The following ATG16L1 variants were observed in gnomAD, a reference collection of about 807,000 sequenced individuals.
ATG16L1 encodes the protein autophagy related 16 like 1.
A neutral mutation model predicts 88.5 loss-of-function variants in ATG16L1; 37 were observed. The ratio of observed to expected loss-of-function variants is 0.42; its 90% confidence interval spans 0.32 to 0.55. The LOEUF is 0.55. Ranked by LOEUF, ATG16L1 falls within the 20% of genes least tolerant of loss-of-function variation. ATG16L1 has a pLI of 0.13. For synonymous variants in ATG16L1, 301 were observed against 281.0 expected (o/e 1.07, Z -0.71); for missense variants, 554 against 752.8 (o/e 0.74, Z 3.09).
chr2:233,275,621 T>C, intron 9 of ATG16L1: 1 of 459,040 alleles, frequency 2.2e-6, no homozygotes, highest in Non-Finnish European at 4.4e-6. Flanking sequence ...TTGACTGTTG[T>C]AAAGAGAGTT....
intron 2 of ATG16L1, 89 bp downstream of exon 2, chr2:233,256,284 C>CAAGT: frequency 9.0e-7 from 1 of 1,109,028 alleles, no homozygotes; most frequent in Non-Finnish European, 1.3e-6. Flanking sequence ...AAAAGCAAAT[C>CAAGT]AAGTACTATT....
chr2:233,268,415 T>C (rs1019672210), intron 5 of ATG16L1, among the ~76,000 whole-genome samples: 1 of 152,196 alleles, frequency 6.6e-6, no homozygotes, highest in Non-Finnish European at 1.5e-5. Flanking sequence ...GCCGAGATGA[T>C]GTCACTGCCC....
chr2:233,273,645 T>G, intron 7 of ATG16L1, 76 bp from the exon 8 acceptor site: 1 of 1,407,928 alleles, frequency 7.1e-7, no homozygotes. Flanking sequence ...GTTACCTGTT[T>G]TTGTGGGCTG....
chr2:233,275,616 T>A, intron 9 of ATG16L1: 2 of 450,530 alleles, frequency 4.4e-6, no homozygotes, highest in East Asian at 5.6e-5. Flanking sequence ...CTGCCTTGAC[T>A]GTTGTAAAGA....
At position 233,274,738 on chromosome 2, in the gene ATG16L1, G is replaced by A. The variant is rs1698227642; in HGVS notation, c.914G>A (p.Gly305Asp). 1 of 1,612,662 alleles carries A rather than the reference G, an allele frequency of 6.2e-7. No homozygotes were observed. Among genetic ancestry groups the A allele is most frequent in the African/African-American group, 1.3e-5 (1 of 74,860 alleles). ...AATGTGGATACTCATCCTGGTTCTG[G>A]TAAAGAAGTGAGGGTACCAGCTACT... ...QDNVDTHPGS[G>D]KEVRVPATAL... is the part of the protein sequence containing the mutation. The change falls in exon 9 of 18, where the codon GGT becomes GAT. Residue 305 changes from glycine to aspartate, a missense_variant. Physicochemically the swap from Gly to Asp is moderately conservative, Grantham distance 94. Transcript: ENST00000392017.
At chr2:233,264,806 A>G in intron 4 of ATG16L1, 86 bp from the exon 5 acceptor site, 1 of 1,539,160 alleles carries the variant, frequency 6.5e-7, no homozygotes, top group Admixed American at 1.8e-5. Context: ...AACAGACACA[A>G]AGTGTTAAGC....
chr2:233,278,067 G>A lies in ATG16L1; in HGVS notation c.1060+394G>A, dbSNP rs144521913. Among the ~76,000 whole-genome samples, 1,340 of 152,256 alleles carry A rather than the reference G, an allele frequency of 8.8e-3. 4 individuals are homozygous for A. Among genetic ancestry groups the A allele is most frequent in the Middle Eastern group, 0.014 (4 of 294 alleles). On this transcript the variant is annotated intron_variant, in intron 10 of 17. Coordinates refer to ENST00000392017, the MANE Select transcript of ATG16L1 (RefSeq NM_030803.7). Reference sequence around the variant, plus strand: ...CAATTAAACTATACATTAAGCTGTGGTTGATGCATTTAATGACAATTGCAA... The same window carrying A: ...CAATTAAACTATACATTAAGCTGTGATTGATGCATTTAATGACAATTGCAA...
At chr2:233,256,840 T>G (rs951315608) in intron 2 of ATG16L1, among the ~76,000 whole-genome samples, 1 of 150,756 alleles carries the variant, frequency 6.6e-6, no homozygotes, top group Admixed American at 6.6e-5. Context: ...TAGCTGGGTC[T>G]ACAGGAACCC....
chr2:233,263,834 C>T (rs984398403), intron 3 of ATG16L1, among the ~76,000 whole-genome samples, 158 bp from the exon 4 acceptor site: 4 of 152,226 alleles, frequency 2.6e-5, no homozygotes, highest in African/African-American at 9.7e-5. Context: ...CAGGGAGTGG[C>T]AGGGATAGTT....
intron 10 of ATG16L1, among the ~76,000 whole-genome samples, 154 bp downstream of exon 10, chr2:233,277,827 G>A (rs757446097): frequency 2.6e-4 from 40 of 152,308 alleles, no homozygotes; most frequent in African/African-American, 3.8e-4. Context: ...GTAAGGGATC[G>A]TTTGACCAAA....
At chr2:233,275,818 G>A (rs114349660) in intron 9 of ATG16L1, 19 of 518,944 alleles carry the variant, frequency 3.7e-5, no homozygotes, top group African/African-American at 5.8e-5. Context: ...TTTCCCTCCC[G>A]TCACATTTAA....
intron 10 of ATG16L1, among the ~76,000 whole-genome samples, chr2:233,279,236 T>G (rs1698568578): frequency 6.6e-6 from 1 of 152,236 alleles, no homozygotes; most frequent in Non-Finnish European, 1.5e-5. Flanking sequence ...ACAGTCTGTT[T>G]TGAGTATGCC....
chr2:233,263,003 G>C (rs1354110871), intron 2 of ATG16L1, 127 bp from the exon 3 acceptor site: 5 of 812,594 alleles, frequency 6.2e-6, no homozygotes, highest in Non-Finnish European at 1.0e-5. Flanking sequence ...CACCCGAATG[G>C]TTTATTGGCT....
chr2:233,289,732 C>G (rs2125295542), intron 12 of ATG16L1, 122 bp from the exon 13 acceptor site: 5 of 1,336,684 alleles, frequency 3.7e-6, no homozygotes, highest in Non-Finnish European at 5.2e-6. Context: ...TTGAGTGTTC[C>G]TGGCCGGATC....
intron 4 of ATG16L1, 79 bp downstream of exon 4, chr2:233,264,144 G>A: frequency 7.0e-7 from 1 of 1,429,384 alleles, no homozygotes; most frequent in South Asian, 1.2e-5. Flanking sequence ...TGTGAGCAGG[G>A]CCAGTGGCAG....
chr2:233,292,452 C>G lies in ATG16L1; in HGVS notation c.1628+18C>G, dbSNP rs747700801. On this transcript the variant is annotated intron_variant, in intron 16 of 17. Coordinates refer to ENST00000392017, the MANE Select transcript of ATG16L1 (RefSeq NM_030803.7). ...GTCTTCAGGTTAGTAGTGACCCACC[C>G]CCCGCCAATTTGGTTCATCACAAAG... The G allele has an allele frequency of 1.7e-5, 27 of 1,612,000 alleles. No individual in the cohort carries two copies. Among genetic ancestry groups the G allele is most frequent in the Non-Finnish European group, 2.3e-5 (27 of 1,179,880 alleles).
chr2:233,268,375 C>T (rs1040145903), intron 5 of ATG16L1, among the ~76,000 whole-genome samples: 2 of 152,196 alleles, frequency 1.3e-5, no homozygotes, highest in African/African-American at 4.8e-5. Context: ...AGGAGAATCG[C>T]TTGAACACAG....
chr2:233,269,898 T>G, intron 5 of ATG16L1, 104 bp from the exon 6 acceptor site: 1 of 1,111,198 alleles, frequency 9.0e-7, no homozygotes, highest in Non-Finnish European at 1.3e-6. Flanking sequence ...TTATTTTACA[T>G]GCACTGAATG....
At chr2:233,272,838 T>C in intron 6 of ATG16L1, 128 bp from the exon 7 acceptor site, 1 of 747,536 alleles carries the variant, frequency 1.3e-6, no homozygotes, top group Middle Eastern at 2.4e-4. Context: ...CTCCAAAGAA[T>C]CTTTAACGCA....
Sources: allele counts gnomAD v4.1 joint callset (sites outside exome capture counted in the v4.1 genomes callset), GRCh38; gene constraint gnomAD v4.1.1; transcripts MANE v1.5; gene names NCBI Gene and HGNC (gene_info 2026-07-23, HGNC 2026-07-21).